CNTNAP5: variants seen among roughly 807,000 people sequenced by gnomAD.
CNTNAP5 encodes the protein contactin associated protein family member 5, also known as contactin-associated protein-like 5.
A neutral mutation model predicts 150.2 loss-of-function variants in CNTNAP5; 72 were observed. The ratio of observed to expected loss-of-function variants is 0.48; its 90% CI spans 0.40 to 0.58. The LOEUF (loss-of-function observed/expected upper bound fraction) is 0.58, where lower values mean the gene tolerates loss of function less well. Ranked by LOEUF, CNTNAP5 falls within the 20% of genes least tolerant of loss-of-function variation. The pLI is 0.00. For synonymous variants in CNTNAP5, 672 were observed against 619.8 expected (o/e 1.08, Z -1.25); for missense variants, 1,636 against 1,626.2 (o/e 1.01, Z -0.10).
chr2:124,321,165 T>C (rs1234663407), intron 3 of CNTNAP5, among the ~76,000 whole-genome samples: 1 of 152,122 alleles, frequency 6.6e-6, no homozygotes, highest in East Asian at 1.9e-4. Flanking sequence ...AGGATTAGAA[T>C]GGCTGGGCGC....
intron 3 of CNTNAP5, among the ~76,000 whole-genome samples, chr2:124,406,524 A>G (rs1691574892): frequency 6.6e-6 from 1 of 152,336 alleles, no homozygotes; most frequent in Non-Finnish European, 1.5e-5. Flanking sequence ...AAAGAAAAAT[A>G]GTCTTTTATA....
At chr2:124,790,272 A>G (rs1333516115) in intron 18 of CNTNAP5, 131 bp downstream of exon 18, 37 of 1,010,158 alleles carry the variant, frequency 3.7e-5, no homozygotes, top group Middle Eastern at 3.2e-4. Flanking sequence ...GAGTCTGCAT[A>G]GTTCTTCAAC....
Position 124,914,334 on chromosome 2 carries a change from T to C in CNTNAP5, c.*46T>C. On this transcript the variant is annotated 3_prime_UTR_variant, in exon 24 of 24. Transcript: ENST00000682447. ...ACTCTTTTTTCTTGTTGTTCAATTA[T>C]CTCCTCCCCCTCTTCTCTCCTGTCT... 7.5e-7 allele frequency: 1 copy of C among 1,342,190 alleles called. No individual in the cohort carries two copies. The highest frequency in any genetic ancestry group is 1.1e-6 in the Non-Finnish European group (1 of 947,252). 83.1% of individuals were successfully genotyped at this position (1,342,190 alleles called of 1,614,324 possible).
At chr2:124,300,399 G>T (rs1273094641) in intron 3 of CNTNAP5, among the ~76,000 whole-genome samples, 1 of 152,208 alleles carries the variant, frequency 6.6e-6, no homozygotes, top group Non-Finnish European at 1.5e-5. Context: ...CTATAGGAAG[G>T]ATCTGCTGGA....
At chr2:124,510,827 G>A (rs1049747861) in intron 8 of CNTNAP5, among the ~76,000 whole-genome samples, 1 of 152,150 alleles carries the variant, frequency 6.6e-6, no homozygotes, top group African/African-American at 2.4e-5. Context: ...CACTAGAGCA[G>A]AGAACACCTT....
chr2:124,797,708 G>C (rs1022157071), intron 18 of CNTNAP5, among the ~76,000 whole-genome samples: 5 of 152,204 alleles, frequency 3.3e-5, no homozygotes, highest in African/African-American at 4.8e-5. Context: ...TTGGGAGTAA[G>C]ATGGTGCCAG....
In CNTNAP5 at chr2:124,786,507, A is replaced by AAAAGAAAGAAAGAAAGAAAGAAAG. The variant is rs150483975; in HGVS notation, c.2753-3378_2753-3377insAAGAAAGAAAGAAAGAAAGAAAGA. On this transcript the variant is annotated intron_variant, in intron 17 of 23. Coordinates refer to ENST00000682447, the MANE Select transcript of CNTNAP5 (RefSeq NM_001367498.1). Reference sequence around the variant, plus strand: ...AGGAGGGAAGGAAGGGAGGGAAAGAAAAAGAAAGAAAGAAAGAGAAAGAAA... The same window carrying AAAAGAAAGAAAGAAAGAAAGAAAG: ...AGGAGGGAAGGAAGGGAGGGAAAGAAAAAGAAAGAAAGAAAGAAAGAAAGAAAGAAAGAAAGAAAGAGAAAGAAA... Among the ~76,000 whole-genome samples the AAAAGAAAGAAAGAAAGAAAGAAAG allele has an allele frequency of 4.8e-4, 64 of 132,148 alleles. 3 individuals are homozygous for AAAAGAAAGAAAGAAAGAAAGAAAG. Among genetic ancestry groups the AAAAGAAAGAAAGAAAGAAAGAAAG allele is most frequent in the African/African-American group, 2.1e-3 (64 of 31,084 alleles). The allele number at this position is 132,148 out of a possible 152,430, so 86.7% of individuals were successfully genotyped here.
intron 21 of CNTNAP5, among the ~76,000 whole-genome samples, chr2:124,887,225 G>C (rs896857092): frequency 6.6e-6 from 1 of 152,004 alleles, no homozygotes; most frequent in South Asian, 2.1e-4. Context: ...GTCTTTGAAG[G>C]CAGGAACATT....
intron 16 of CNTNAP5, among the ~76,000 whole-genome samples, chr2:124,770,018 A>T (rs1168517299): frequency 6.6e-6 from 1 of 152,198 alleles, no homozygotes; most frequent in Non-Finnish European, 1.5e-5. Context: ...AATTTTACTG[A>T]TTCTAGGAGG....
At chr2:124,689,221 GCTC>G in intron 13 of CNTNAP5, among the ~76,000 whole-genome samples, 2 of 152,234 alleles carry the variant, frequency 1.3e-5, no homozygotes, top group Middle Eastern at 6.8e-3. Context: ...CCAGAGCACT[GCTC>G]CTTGGAAACT....
rs569986727 is a variant in CNTNAP5 at position 124,634,398 on chromosome 2, C to G, written c.1877-13360C>G. Among the ~76,000 whole-genome samples, 69 of 152,302 alleles carry G rather than the reference C, an allele frequency of 4.5e-4. 1 individual carries two copies. The South Asian group carries it at 0.013, about 28-fold the overall frequency. On this transcript the variant is annotated intron_variant, in intron 12 of 23. Coordinates refer to ENST00000682447, the MANE Select transcript of CNTNAP5 (RefSeq NM_001367498.1). ...AGATCCCAAGAGCAGGGGCACAATG[C>G]TACCATGTTCTTTACTAAAGCATAG...
chr2:124,242,631 A>C (rs546803430), intron 3 of CNTNAP5, among the ~76,000 whole-genome samples: 1 of 152,274 alleles, frequency 6.6e-6, no homozygotes, highest in Admixed American at 6.5e-5. Context: ...AAACTGGGTA[A>C]TTCACTGACT....
At chr2:124,618,971 A>G (rs1677547372) in intron 12 of CNTNAP5, among the ~76,000 whole-genome samples, 1 of 152,248 alleles carries the variant, frequency 6.6e-6, no homozygotes, top group Non-Finnish European at 1.5e-5. Context: ...TAAGATATTT[A>G]GAAAATGACC....
intron 19 of CNTNAP5, among the ~76,000 whole-genome samples, chr2:124,832,070 C>T (rs1181851117): frequency 6.6e-6 from 1 of 151,974 alleles, no homozygotes; most frequent in Non-Finnish European, 1.5e-5. Flanking sequence ...CTGTTTTGGG[C>T]TGAGTTTGTA....
chr2:124,590,808 A>G (rs927860369), intron 11 of CNTNAP5, among the ~76,000 whole-genome samples: 1 of 152,198 alleles, frequency 6.6e-6, no homozygotes, highest in Non-Finnish European at 1.5e-5. Context: ...TACAATAGGA[A>G]TATAAATGGC....
chr2:124,627,548 A>T (rs1176122857), intron 12 of CNTNAP5, among the ~76,000 whole-genome samples: 1 of 151,534 alleles, frequency 6.6e-6, no homozygotes, highest in African/African-American at 2.4e-5. Flanking sequence ...AGACCCCACA[A>T]AAACCCCATC....
intron 8 of CNTNAP5, among the ~76,000 whole-genome samples, chr2:124,522,324 C>T (rs974971093): frequency 3.3e-5 from 5 of 152,190 alleles, no homozygotes; most frequent in Admixed American, 1.3e-4. Flanking sequence ...GAATCCATCA[C>T]TTACTTTGCA....
intron 8 of CNTNAP5, among the ~76,000 whole-genome samples, chr2:124,512,886 G>T (rs1694624939): frequency 6.6e-6 from 1 of 152,090 alleles, no homozygotes; most frequent in African/African-American, 2.4e-5. Flanking sequence ...TGATTATTGA[G>T]CATTGACTAC....
At chr2:124,039,497 C>T (rs574616552) in intron 1 of CNTNAP5, among the ~76,000 whole-genome samples, 1 of 152,136 alleles carries the variant, frequency 6.6e-6, no homozygotes, top group Non-Finnish European at 1.5e-5. Context: ...AATAAATGGA[C>T]CTTTGGGCTC....
Sources: gnomAD v4.1 joint callset for allele counts (sites outside exome capture counted in the v4.1 genomes callset) on GRCh38, gnomAD v4.1.1 for gene constraint, MANE v1.5 for transcripts, NCBI Gene and HGNC (gene_info 2026-07-23, HGNC 2026-07-21) for gene names.